The following MYO7A variants were observed in gnomAD, a reference collection of about 807,000 sequenced individuals.
MYO7A encodes unconventional myosin-VIIa.
Under a neutral mutation model 263.8 loss-of-function variants are expected in MYO7A, and 210 were observed. The ratio of observed to expected loss-of-function variants is 0.80; its 90% CI spans 0.71 to 0.89. The LOEUF (loss-of-function observed/expected upper bound fraction) is 0.89, where lower values mean the gene tolerates loss of function less well. Among genes scored for constraint, MYO7A ranks in the 40% least tolerant of loss-of-function variants. The pLI, the probability that MYO7A is intolerant of heterozygous loss-of-function variation, is 0.00. For synonymous variants in MYO7A, 1,239 were observed against 1,197.3 expected (o/e 1.03, Z -0.72); for missense variants, 2,820 against 2,968.3 (o/e 0.95, Z 1.16).
At chr11:77,139,469 C>T (rs936140364) in intron 2 of MYO7A, 1 of 152,204 alleles carries the variant, frequency 6.6e-6, no homozygotes, top group Non-Finnish European at 1.5e-5. Flanking sequence ...CAAACGAGAT[C>T]TTCCATTCAA....
intron 15 of MYO7A, among the ~76,000 whole-genome samples, chr11:77,171,765 G>C (rs1366393760): frequency 6.6e-6 from 1 of 152,194 alleles, no homozygotes; most frequent in Non-Finnish European, 1.5e-5. Context: ...CACTAATCAA[G>C]ATGCTTTGGA....
At chr11:77,165,570 G>T (rs535503714) in intron 14 of MYO7A, among the ~76,000 whole-genome samples, 1 of 152,236 alleles carries the variant, frequency 6.6e-6, no homozygotes, top group Non-Finnish European at 1.5e-5. Context: ...TGGGGGCAGA[G>T]GAGGTAATCC....
intron 2 of MYO7A, among the ~76,000 whole-genome samples, chr11:77,131,508 T>G (rs953515310): frequency 2.0e-5 from 3 of 152,192 alleles, no homozygotes; most frequent in Admixed American, 1.3e-4. Context: ...GAGACCCCCT[T>G]TAGAGCCCCT....
chr11:77,140,763 C>T (rs1331434555), intron 2 of MYO7A, among the ~76,000 whole-genome samples: 1 of 152,188 alleles, frequency 6.6e-6, no homozygotes, highest in Non-Finnish European at 1.5e-5. Flanking sequence ...CCTGTGGAGC[C>T]CAGGCCCACA....
chr11:77,171,593 C>T (rs184081346), intron 15 of MYO7A, among the ~76,000 whole-genome samples: 1 of 150,308 alleles, frequency 6.7e-6, no homozygotes, highest in East Asian at 2.0e-4. Flanking sequence ...ACACCTTTGT[C>T]CCCCCAAATA....
chr11:77,174,035 C>G (rs1246003271), intron 16 of MYO7A, among the ~76,000 whole-genome samples: 9 of 152,114 alleles, frequency 5.9e-5, no homozygotes, highest in African/African-American at 1.7e-4. Flanking sequence ...TCCTGCCTCC[C>G]CTGGCCCCCA....
At chr11:77,180,319 C>A in intron 21 of MYO7A, 55 bp from the exon 22 acceptor site, 1 of 1,487,902 alleles carries the variant, frequency 6.7e-7, no homozygotes, top group Non-Finnish European at 9.3e-7. Flanking sequence ...GGTGGGAATC[C>A]CTGCAACAAC....
rs371931273 is a variant in MYO7A at position 77,208,498 on chromosome 11, A to G, written c.5925A>G (p.Lys1975=). The change falls in exon 43 of 49, where the codon AAA becomes AAG. Residue 1975 remains lysine (K), a synonymous_variant. Coordinates refer to ENST00000409709, the MANE Select transcript of MYO7A (RefSeq NM_000260.4). ...GACACTTGACAGACTGGATAAAGAAAGCTCGGCCCATCAAGGACGGTAATG... is the reference window on the plus strand; with the variant it reads ...GACACTTGACAGACTGGATAAAGAAGGCTCGGCCCATCAAGGACGGTAATG... ...FVRHLTDWIK[K]ARPIKDGIVP... is the part of the protein sequence containing the mutation. 6.2e-7 allele frequency: 1 copy of G among 1,613,570 alleles called. No individual in the cohort carries two copies. Among genetic ancestry groups the G allele is most frequent in the South Asian group, 1.1e-5 (1 of 90,940 alleles).
Position 77,167,784 on chromosome 11 carries a change from G to T in MYO7A, c.1797+1622G>T, listed in dbSNP as rs139695025. On this transcript the variant is annotated intron_variant, in intron 15 of 48. Transcript: ENST00000409709. ...TGAAACAATCCACACACCCCCAGCA[G>T]TAGACAGGGCATGTCAGGAGCAAGG... is the stretch of plus-strand genomic sequence containing the variant. 4.3e-3 allele frequency among the ~76,000 whole-genome samples: 658 copies of T among 152,244 alleles called. 10 individuals carry two copies. Among genetic ancestry groups the T allele is most frequent in the African/African-American group, 0.015 (628 of 41,534 alleles).
At chr11:77,191,981 T>C in intron 30 of MYO7A, 70 bp from the exon 31 acceptor site, 1 of 1,370,440 alleles carries the variant, frequency 7.3e-7, no homozygotes, top group Non-Finnish European at 1.0e-6. Context: ...AACTGACCGT[T>C]GGCCCCGTTG....
chr11:77,179,704 G>A lies in MYO7A; in HGVS notation c.2368-31G>A, dbSNP rs145055926. The A allele has an allele frequency of 2.0e-4, 304 of 1,503,350 alleles. 1 individual carries two copies. The East Asian group carries it at 5.5e-3, about 27-fold the overall frequency. 93.1% of individuals were successfully genotyped at this position (1,503,350 alleles called of 1,614,324 possible). On this transcript the variant is annotated intron_variant, in intron 20 of 48. Coordinates refer to ENST00000409709, the MANE Select transcript of MYO7A (RefSeq NM_000260.4). ...AGGGTCAGTCTGGAATGGGACAGCAGGCTCTGAGCATGGGGTGGCTGTCCT... is the reference window on the plus strand; with the variant it reads ...AGGGTCAGTCTGGAATGGGACAGCAAGCTCTGAGCATGGGGTGGCTGTCCT...
chr11:77,181,395 C>A lies in MYO7A; in HGVS notation c.2710C>A (p.Leu904Met). The change falls in exon 23 of 49, where the codon CTG (leucine) becomes ATG (methionine). Residue 904 changes from leucine to methionine, a missense_variant. By Grantham distance (15) the Leu-to-Met change is conservative. Coordinates refer to ENST00000409709, the MANE Select transcript of MYO7A (RefSeq NM_000260.4). ...AATTGCCCAGGAGCGCCTGGCCCAG[C>A]TGGCTCGTGAGGACGCTGAGCGGGA... ...ERKHQERLAQ[L>M]AREDAERELK... 2 of 1,570,096 alleles carry A rather than the reference C, an allele frequency of 1.3e-6. No individual in the cohort carries two copies. Among genetic ancestry groups the A allele is most frequent in the Admixed American group, 1.9e-5 (1 of 53,302 alleles).
intron 46 of MYO7A, 141 bp from the exon 47 acceptor site, chr11:77,212,811 A>G (rs56345992): frequency 2.9e-4 from 203 of 709,638 alleles, no homozygotes; most frequent in Non-Finnish European, 4.0e-4. Context: ...TGGAAGCCAT[A>G]GGTCATGGCA....
At position 77,203,112 on chromosome 11, in the gene MYO7A, A is replaced by G. The variant is rs1957185407; in HGVS notation, c.5221A>G (p.Lys1741Glu). ...TGTCATGGTGTCCAAGGCCCGAGGC[A>G]AGGACCGGCTGTGGAGCCACACGCG... The part of the protein sequence containing the change: ...SRVMVSKARG[K>E]DRLWSHTREP... Residue 1741 changes from lysine (K) to glutamate (E), a missense_variant, in exon 38 of 49, where the codon AAG becomes GAG. Physicochemically the swap from Lys to Glu is moderately conservative, Grantham distance 56 (BLOSUM62 1). Transcript: ENST00000409709. 6.5e-7 allele frequency: 1 copy of G among 1,549,480 alleles called. No homozygotes were observed. Among genetic ancestry groups the G allele is most frequent in the East Asian group, 2.4e-5 (1 of 40,962 alleles).
intron 16 of MYO7A, among the ~76,000 whole-genome samples, chr11:77,173,843 G>A (rs1029558304): frequency 3.9e-5 from 6 of 152,058 alleles, no homozygotes; most frequent in South Asian, 4.1e-4. Context: ...CCTGAGGGTC[G>A]CAGAGGGCTC....
intron 15 of MYO7A, among the ~76,000 whole-genome samples, chr11:77,166,410 G>A (rs1159737469): frequency 6.6e-6 from 1 of 152,214 alleles, no homozygotes; most frequent in Admixed American, 6.5e-5. Flanking sequence ...AGGTCACAGA[G>A]CAGAACCGGT....
At chr11:77,143,487 G>A (rs1555051926) in intron 3 of MYO7A, among the ~76,000 whole-genome samples, 1 of 152,250 alleles carries the variant, frequency 6.6e-6, no homozygotes, top group Non-Finnish European at 1.5e-5. Flanking sequence ...TCTAGGTAAT[G>A]ATAGTGGGGC....
chr11:77,206,665 G>T (rs549108243), intron 41 of MYO7A, among the ~76,000 whole-genome samples: 1 of 152,304 alleles, frequency 6.6e-6, no homozygotes, highest in South Asian at 2.1e-4. Flanking sequence ...GTCTGCCAAA[G>T]GTCCTGTCTG....
intron 15 of MYO7A, among the ~76,000 whole-genome samples, chr11:77,170,026 G>A (rs916429768): frequency 6.6e-6 from 1 of 152,328 alleles, no homozygotes. Flanking sequence ...AGCCAAGATC[G>A]TACCACTGTG....
Sources: gnomAD v4.1 joint callset for allele counts (sites outside exome capture counted in the v4.1 genomes callset) on GRCh38, gnomAD v4.1.1 for gene constraint, MANE v1.5 for transcripts, NCBI Gene and HGNC (gene_info 2026-07-23, HGNC 2026-07-21) for gene names.